The following SLCO1A2 variants were observed in gnomAD, a reference collection of about 807,000 sequenced individuals.
SLCO1A2 encodes the protein OATP-1.
SLCO1A2 carries 67 observed loss-of-function variants against 69.0 expected under a neutral mutation model. The observed-to-expected ratio is 0.97, with a 90% CI of 0.80 to 1.19. The LOEUF (loss-of-function observed/expected upper bound fraction) is 1.19, where lower values mean the gene tolerates loss of function less well. Among genes scored for constraint, SLCO1A2 ranks in the 50% most tolerant of loss-of-function variants. The pLI, the probability that SLCO1A2 is intolerant of heterozygous loss-of-function variation, is 0.00. For missense variants in SLCO1A2, 787 were observed against 793.7 expected, an observed-to-expected ratio of 0.99 and a Z score of 0.10; for synonymous variants, 260 against 265.9, an observed-to-expected ratio of 0.98 and a Z score of 0.22.
At chr12:21,317,871 C>A (rs1229175670) in intron 3 of SLCO1A2, among the ~76,000 whole-genome samples, 1 of 152,148 alleles carries the variant, frequency 6.6e-6, no homozygotes, top group Non-Finnish European at 1.5e-5. Flanking sequence ...TTCCCCCATT[C>A]TCCCTCTCTA....
chr12:21,301,790 A>G (rs894252662), intron 6 of SLCO1A2, among the ~76,000 whole-genome samples: 4 of 151,822 alleles, frequency 2.6e-5, no homozygotes, highest in African/African-American at 9.7e-5. Context: ...CTTTACTTCC[A>G]CAGTTTTATT....
intron 8 of SLCO1A2, among the ~76,000 whole-genome samples, 193 bp from the exon 9 acceptor site, chr12:21,297,761 T>TG (rs1432757569): frequency 6.6e-6 from 1 of 152,208 alleles, no homozygotes; most frequent in East Asian, 1.9e-4. Context: ...AAGTCAGTGA[T>TG]GTAGCTGACT....
chr12:21,279,150 C>T (rs1335822732), intron 12 of SLCO1A2, among the ~76,000 whole-genome samples: 1 of 151,508 alleles, frequency 6.6e-6, no homozygotes, highest in Non-Finnish European at 1.5e-5. Context: ...TTTGAAAATA[C>T]ACAGTAAGGG....
At chr12:21,339,716 G>A (rs555005658), upstream of SLCO1A2, among the ~76,000 whole-genome samples, 23 of 151,988 alleles carry the variant, frequency 1.5e-4, no homozygotes, top group South Asian at 4.8e-3. Flanking sequence ...GGGCTGACAT[G>A]CAGGAAGCTG....
At chr12:21,299,874 GTA>G (rs199525542) in intron 8 of SLCO1A2, among the ~76,000 whole-genome samples, 68 of 101,544 alleles carry the variant, frequency 6.7e-4, no homozygotes, top group Admixed American at 1.1e-3. Context: ...ATACGTGTGT[GTA>G]TATATATATA....
intron 14 of SLCO1A2, among the ~76,000 whole-genome samples, chr12:21,271,684 T>A (rs1054518316): frequency 6.7e-6 from 1 of 148,440 alleles, no homozygotes; most frequent in Non-Finnish European, 1.5e-5. Context: ...TACCTATGTG[T>A]ATATAAACAT....
chr12:21,333,745 A>G (rs1952751357), intron 2 of SLCO1A2, among the ~76,000 whole-genome samples: 1 of 152,140 alleles, frequency 6.6e-6, no homozygotes, highest in Non-Finnish European at 1.5e-5. Flanking sequence ...ACATAAAAGA[A>G]TCCTATAAGG....
At chr12:21,348,606 G>A (rs992601922) in intron 2 of SLCO1A2, among the ~76,000 whole-genome samples, 1 of 152,002 alleles carries the variant, frequency 6.6e-6, no homozygotes, top group Admixed American at 6.6e-5. Flanking sequence ...TTTTTAAAAA[G>A]GGTTCTCTTC....
intron 2 of SLCO1A2, among the ~76,000 whole-genome samples, chr12:21,361,189 C>T (rs28788610): frequency 0.091 from 13,846 of 152,168 alleles, 1,032 homozygotes; most frequent in East Asian, 0.4. Context: ...GACAAAGCTT[C>T]CAGAGGAAGG....
At chr12:21,276,310 AAT>A (rs1445330205) in intron 12 of SLCO1A2, among the ~76,000 whole-genome samples, 3 of 152,008 alleles carry the variant, frequency 2.0e-5, no homozygotes, top group Admixed American at 2.0e-4. Context: ...CCAACTAGAA[AAT>A]ATAAGAGAAC....
intron 12 of SLCO1A2, among the ~76,000 whole-genome samples, chr12:21,285,191 C>T (rs928533074): frequency 6.6e-6 from 1 of 151,220 alleles, no homozygotes; most frequent in Non-Finnish European, 1.5e-5. Context: ...ACCGATCCCA[C>T]AGAAATACAA....
At chr12:21,401,614 G>C (rs1941707620) in intron 1 of SLCO1A2, among the ~76,000 whole-genome samples, 1 of 151,394 alleles carries the variant, frequency 6.6e-6, no homozygotes, top group South Asian at 2.1e-4. Flanking sequence ...AATTTTAAAT[G>C]ATTTTTAATT....
chr12:21,326,182 G>C (rs1241930486), intron 2 of SLCO1A2, among the ~76,000 whole-genome samples: 4 of 152,118 alleles, frequency 2.6e-5, no homozygotes, highest in African/African-American at 9.7e-5. Flanking sequence ...TGCTCCTCCT[G>C]CATCTTCCAT....
chr12:21,286,228 G>C (rs1945760994), intron 12 of SLCO1A2, among the ~76,000 whole-genome samples: 1 of 137,714 alleles, frequency 7.3e-6, no homozygotes, highest in Non-Finnish European at 1.6e-5. Flanking sequence ...GACAAACAGA[G>C]AGCCAAATCA....
intron 1 of SLCO1A2, chr12:21,403,553 C>A (rs1159817366): frequency 6.6e-6 from 1 of 151,986 alleles, no homozygotes; most frequent in Non-Finnish European, 1.5e-5. Flanking sequence ...TCTTGTTCAT[C>A]AGAGAAGCAG....
At chr12:21,319,398 C>A (rs1237867958) in intron 2 of SLCO1A2, 1 of 1,367,866 alleles carries the variant, frequency 7.3e-7, no homozygotes, top group Non-Finnish European at 9.8e-7. Context: ...CTTTCCTGTT[C>A]TTGCTTGCAA....
chr12:21,397,483 G>C (rs576907686), upstream of SLCO1A2, among the ~76,000 whole-genome samples: 2 of 151,740 alleles, frequency 1.3e-5, no homozygotes, highest in Non-Finnish European at 2.9e-5. Context: ...AAGTCAACAA[G>C]GATACCCAGG....
intron 1 of SLCO1A2, among the ~76,000 whole-genome samples, chr12:21,381,754 C>G (rs556603119): frequency 6.6e-6 from 1 of 152,268 alleles, no homozygotes; most frequent in Non-Finnish European, 1.5e-5. Flanking sequence ...CAAGATCATG[C>G]CACTGCACTC....
At chr12:21,282,094 A>C (rs1591785860) in intron 12 of SLCO1A2, among the ~76,000 whole-genome samples, 1 of 151,014 alleles carries the variant, frequency 6.6e-6, no homozygotes, top group African/African-American at 2.4e-5. Flanking sequence ...TTATCCTGAT[A>C]CCAAAACCAG....
Sources: allele counts gnomAD v4.1 joint callset (sites outside exome capture counted in the v4.1 genomes callset), GRCh38; gene constraint gnomAD v4.1.1; transcripts MANE v1.5; gene names NCBI Gene and HGNC (gene_info 2026-07-23, HGNC 2026-07-21).